NADK2: variants seen among roughly 807,000 people sequenced by gnomAD.
NADK2 encodes the protein NAD kinase domain-containing protein 1, mitochondrial.
A neutral mutation model predicts 62.1 loss-of-function variants in NADK2; 35 were observed. The observed-to-expected ratio is 0.56, with a 90% CI of 0.43 to 0.75. The LOEUF (loss-of-function observed/expected upper bound fraction) is 0.75, where lower values mean the gene tolerates loss of function less well. NADK2 is among the 30% of genes least tolerant of loss of function. The pLI is 0.00. For synonymous variants in NADK2, 205 were observed against 207.9 expected, an observed-to-expected ratio of 0.99 and a Z score of 0.12; for missense variants, 439 against 561.3, an observed-to-expected ratio of 0.78 and a Z score of 2.20.
chr5:36,218,295 T>C (rs970141340), intron 5 of NADK2: 2 of 152,970 alleles, frequency 1.3e-5, no homozygotes, highest in Admixed American at 6.5e-5. Flanking sequence ...TCCACAAATT[T>C]TATAATGGAG....
intron 11 of NADK2, 49 bp from the exon 12 acceptor site, chr5:36,195,331 G>T: frequency 6.6e-7 from 1 of 1,522,894 alleles, no homozygotes; most frequent in Non-Finnish European, 8.8e-7. Context: ...TTCTTAATAG[G>T]TTATTTTAAT....
intron 4 of NADK2, among the ~76,000 whole-genome samples, chr5:36,223,664 G>A (rs1747361327): frequency 6.6e-6 from 1 of 152,132 alleles, no homozygotes; most frequent in African/African-American, 2.4e-5. Context: ...AGTAGATTCG[G>A]TAAGTAGGAT....
chr5:36,217,947 T>C, intron 5 of NADK2, 63 bp from the exon 6 acceptor site: 1 of 1,449,870 alleles, frequency 6.9e-7, no homozygotes. Flanking sequence ...GTAGACATTA[T>C]AATAATTTAA....
chr5:36,201,205 C>G (rs756862350), intron 8 of NADK2, 44 bp from the exon 9 acceptor site: 3 of 1,531,616 alleles, frequency 2.0e-6, no homozygotes, highest in Non-Finnish European at 2.7e-6. Context: ...ATTCTAAAAA[C>G]ATGCTAAAAA....
Position 36,195,166 on chromosome 5 carries a change from C to G in NADK2, c.1307G>C (p.Arg436Pro), listed in dbSNP as rs377229651. The G allele has an allele frequency of 6.2e-7, 1 of 1,611,976 alleles. No individual in the cohort carries two copies. The highest frequency in any genetic ancestry group is 1.3e-5 in the African/African-American group (1 of 74,756). ...SMMINKEDEL[R>P]TVLLEQ ...CCTTCACTGTTCAAGAAGCACAGTT[C>G]GAAGCTCATCTTCTTTATTGATCAT... Residue 436 changes from arginine (R) to proline (P), a missense_variant, in exon 12 of 12, where the codon CGA (arginine) becomes CCA (proline). Coordinates refer to ENST00000381937, the MANE Select transcript of NADK2 (RefSeq NM_001085411.3).
intron 1 of NADK2, among the ~76,000 whole-genome samples, chr5:36,239,215 A>G (rs945515121): frequency 1.3e-5 from 2 of 152,226 alleles, no homozygotes; most frequent in Non-Finnish European, 2.9e-5. Context: ...CCCCAGCAAT[A>G]TAACAAATAA....
chr5:36,195,263 A>G lies in NADK2; in HGVS notation c.1210T>C (p.Cys404Arg). Residue 404 changes from cysteine to arginine, a missense_variant, in exon 12 of 12, where the codon TGT (cysteine) becomes CGT (arginine). Physicochemically the swap from Cys to Arg is radical, Grantham distance 180. Coordinates refer to ENST00000381937, the MANE Select transcript of NADK2 (RefSeq NM_001085411.3). ...TCCACAACCATACAGGCATCCCAAC[A>G]ACGAGAACGAACACAAACCCTAGGC... ...FSSKVCVRSR[C>R]WDACMVVDGG... 6.2e-7 allele frequency: 1 copy of G among 1,610,900 alleles called. No homozygotes were observed. The highest frequency in any genetic ancestry group is 8.5e-7 in the Non-Finnish European group (1 of 1,178,886).
At chr5:36,222,706 G>A (rs1326648543) in intron 4 of NADK2, among the ~76,000 whole-genome samples, 5 of 152,206 alleles carry the variant, frequency 3.3e-5, no homozygotes, top group Non-Finnish European at 7.3e-5. Context: ...TGAGTTAGAA[G>A]GAGAGAGACT....
At chr5:36,197,392 A>G in intron 11 of NADK2, 149 bp downstream of exon 11, 1 of 991,980 alleles carries the variant, frequency 1.0e-6, no homozygotes, top group African/African-American at 1.7e-5. Flanking sequence ...GGTTAGCATG[A>G]TACCTTGTTA....
chr5:36,235,839 G>A (rs1161895241), intron 1 of NADK2, among the ~76,000 whole-genome samples: 1 of 151,088 alleles, frequency 6.6e-6, no homozygotes, highest in East Asian at 1.9e-4. Context: ...TACAAAGATT[G>A]GTCTATTTTC....
At chr5:36,236,670 G>A (rs1174216168) in intron 1 of NADK2, among the ~76,000 whole-genome samples, 1 of 152,106 alleles carries the variant, frequency 6.6e-6, no homozygotes, top group Non-Finnish European at 1.5e-5. Flanking sequence ...TTTAGTGGAA[G>A]TATGGGGGTG....
intron 1 of NADK2, among the ~76,000 whole-genome samples, chr5:36,233,030 TC>T (rs34711239): frequency 6.6e-6 from 1 of 152,198 alleles, no homozygotes; most frequent in Non-Finnish European, 1.5e-5. Flanking sequence ...ACTTAATAAA[TC>T]CGTGTCACCT....
intron 1 of NADK2, among the ~76,000 whole-genome samples, chr5:36,234,883 T>C (rs1747846041): frequency 6.6e-6 from 1 of 152,152 alleles, no homozygotes; most frequent in African/African-American, 2.4e-5. Flanking sequence ...TCCCTACCCT[T>C]CCCAAATTGT....
chr5:36,200,242 C>A lies in NADK2; in HGVS notation c.1051G>T (p.Glu351Ter). The A allele has an allele frequency of 6.3e-7, 1 of 1,581,766 alleles. No homozygotes were observed. Among genetic ancestry groups the A allele is most frequent in the Non-Finnish European group, 8.6e-7 (1 of 1,163,602 alleles). ...QGNLSLPLNR[E>*]LVEKVTNEYN... ...TGTCACTGACCTTTCTCTACCAATT[C>A]TCTGTTCAATGGAAGACTCAAATTT... Residue 351 changes from glutamate (E) to a stop codon, truncating the protein, a stop_gained, in exon 10 of 12, where the codon GAA becomes TAA. Coordinates refer to ENST00000381937, the MANE Select transcript of NADK2 (RefSeq NM_001085411.3). LOFTEE classifies it high-confidence loss of function.
At chr5:36,236,562 A>C (rs899197759) in intron 1 of NADK2, among the ~76,000 whole-genome samples, 1 of 152,190 alleles carries the variant, frequency 6.6e-6, no homozygotes, top group Non-Finnish European at 1.5e-5. Context: ...GACAGCTGGT[A>C]ATAAGGCCCT....
At chr5:36,218,387 T>A (rs928484211) in intron 5 of NADK2, 1 of 152,272 alleles carries the variant, frequency 6.6e-6, no homozygotes, top group Non-Finnish European at 1.5e-5. Flanking sequence ...TTAAATAACA[T>A]CTCTGGTAAA....
At chr5:36,219,341 G>A (rs921558949) in intron 5 of NADK2, among the ~76,000 whole-genome samples, 4 of 152,130 alleles carry the variant, frequency 2.6e-5, no homozygotes, top group African/African-American at 9.7e-5. Context: ...CCCGCAAGTA[G>A]CTGGGACTAC....
At chr5:36,231,160 G>A (rs771388189) in intron 1 of NADK2, among the ~76,000 whole-genome samples, 6 of 152,088 alleles carry the variant, frequency 3.9e-5, no homozygotes, top group East Asian at 1.9e-4. Context: ...CCTGGCTCTC[G>A]GCAAGCCCCA....
chr5:36,227,126 T>G (rs181022146), intron 2 of NADK2, among the ~76,000 whole-genome samples: 2 of 152,278 alleles, frequency 1.3e-5, no homozygotes, highest in Non-Finnish European at 2.9e-5. Flanking sequence ...TCTATAATTT[T>G]CAAACACTCA....
Sources: gnomAD v4.1 joint callset for allele counts (sites outside exome capture counted in the v4.1 genomes callset) on GRCh38, gnomAD v4.1.1 for gene constraint, MANE v1.5 for transcripts, NCBI Gene and HGNC (gene_info 2026-07-23, HGNC 2026-07-21) for gene names.